ASIC2: variants seen among roughly 807,000 people sequenced by gnomAD.
ASIC2 encodes acid-sensing ion channel 2.
A neutral mutation model predicts 57.3 loss-of-function variants in ASIC2; 25 were observed. The ratio of observed to expected loss-of-function variants is 0.44; its 90% CI spans 0.32 to 0.61. The LOEUF is 0.61. Ranked by LOEUF, ASIC2 falls within the 20% of genes least tolerant of loss-of-function variation. ASIC2 has a pLI of 0.06. For missense variants in ASIC2, 641 were observed against 738.1 expected (o/e 0.87, Z 1.52); for synonymous variants, 319 against 307.5 (o/e 1.04, Z -0.39).
chr17:33,913,096 C>A (rs1411507334), intron 1 of ASIC2, among the ~76,000 whole-genome samples: 3 of 152,022 alleles, frequency 2.0e-5, no homozygotes, highest in East Asian at 1.9e-4. Flanking sequence ...CCCCCTCCCC[C>A]CCGCCAATTT....
At chr17:33,431,539 A>G (rs1473836409) in intron 1 of ASIC2, among the ~76,000 whole-genome samples, 1 of 152,060 alleles carries the variant, frequency 6.6e-6, no homozygotes, top group East Asian at 1.9e-4. Context: ...TGGGAGGCGG[A>G]GGTCGCCGTG....
At chr17:33,232,387 C>A (rs1908125370) in intron 1 of ASIC2, among the ~76,000 whole-genome samples, 1 of 150,030 alleles carries the variant, frequency 6.7e-6, no homozygotes, top group South Asian at 2.1e-4. Context: ...TATGGTATGG[C>A]AGCCTAGGTA....
chr17:33,174,192 C>T (rs973261284), intron 1 of ASIC2, among the ~76,000 whole-genome samples: 41 of 152,040 alleles, frequency 2.7e-4, no homozygotes, highest in African/African-American at 8.5e-4. Context: ...GAGGCCAAGG[C>T]GAGTGGATTA....
At chr17:33,635,772 T>C (rs939057180) in intron 1 of ASIC2, among the ~76,000 whole-genome samples, 1 of 152,340 alleles carries the variant, frequency 6.6e-6, no homozygotes, top group East Asian at 1.9e-4. Context: ...TGGAAGCTTA[T>C]GATTCTCCAG....
chr17:33,703,511 C>G (rs750110719), intron 1 of ASIC2, among the ~76,000 whole-genome samples: 14 of 151,982 alleles, frequency 9.2e-5, no homozygotes, highest in Non-Finnish European at 1.8e-4. Flanking sequence ...AGCCACCATG[C>G]CCGACTAATT....
chr17:33,833,529 T>C (rs1913181480), intron 1 of ASIC2, among the ~76,000 whole-genome samples: 1 of 152,004 alleles, frequency 6.6e-6, no homozygotes, highest in Non-Finnish European at 1.5e-5. Flanking sequence ...TGTGTGTGTG[T>C]ACCTATGTGT....
chr17:33,915,067 C>T (rs73274517), intron 1 of ASIC2, among the ~76,000 whole-genome samples: 9,159 of 152,228 alleles, frequency 0.06, 510 homozygotes, highest in East Asian at 0.27. Flanking sequence ...CAGTGCTCTG[C>T]CCTCACCTCG....
chr17:33,782,855 C>A (rs952117070), intron 1 of ASIC2, among the ~76,000 whole-genome samples: 2 of 152,206 alleles, frequency 1.3e-5, no homozygotes, highest in Non-Finnish European at 2.9e-5. Context: ...CAGGCTCCGG[C>A]CAGCCCCCCT....
At chr17:33,043,493 TC>T (rs1475403577) in intron 3 of ASIC2, among the ~76,000 whole-genome samples, 1 of 152,134 alleles carries the variant, frequency 6.6e-6, no homozygotes. Flanking sequence ...TGCTCCCCAT[TC>T]CCTCCAATCC....
chr17:33,882,948 T>C (rs1382010776), intron 1 of ASIC2, among the ~76,000 whole-genome samples: 9 of 152,216 alleles, frequency 5.9e-5, no homozygotes, highest in Non-Finnish European at 1.2e-4. Context: ...GATGAGTTCA[T>C]GTCCTTTGTA....
intron 1 of ASIC2, among the ~76,000 whole-genome samples, chr17:33,944,830 T>C (rs934343342): frequency 6.6e-6 from 1 of 151,950 alleles, no homozygotes. Flanking sequence ...TCCAGAAGAG[T>C]GTGATGGAGG....
At chr17:34,037,914 A>C (rs970225584) in intron 1 of ASIC2, 71 of 1,613,738 alleles carry the variant, frequency 4.4e-5, no homozygotes, top group Non-Finnish European at 5.8e-5. Flanking sequence ...TTCCTTCCAT[A>C]AAGACACTGA....
intron 1 of ASIC2, among the ~76,000 whole-genome samples, chr17:33,910,848 G>T (rs576446512): frequency 2.6e-5 from 4 of 152,234 alleles, no homozygotes; most frequent in Non-Finnish European, 4.4e-5. Context: ...CTGAGGAGGT[G>T]ATGTTTGAAG....
intron 1 of ASIC2, among the ~76,000 whole-genome samples, chr17:33,613,670 A>G (rs371963047): frequency 2.7e-4 from 41 of 152,218 alleles, no homozygotes; most frequent in African/African-American, 5.3e-4. Flanking sequence ...CCTGGCCCAC[A>G]TGTATTCTCT....
chr17:33,458,927 C>A (rs890631562), intron 1 of ASIC2, among the ~76,000 whole-genome samples: 1 of 151,908 alleles, frequency 6.6e-6, no homozygotes, highest in African/African-American at 2.4e-5. Flanking sequence ...GGTTTCTGTC[C>A]GACTGAACCT....
intron 1 of ASIC2, among the ~76,000 whole-genome samples, chr17:33,930,204 T>A (rs934070774): frequency 2.0e-5 from 3 of 152,254 alleles, no homozygotes; most frequent in African/African-American, 7.2e-5. Context: ...AACGGGACTC[T>A]ATCACTTACG....
At chr17:33,959,094 G>T (rs751322354) in intron 1 of ASIC2, among the ~76,000 whole-genome samples, 2 of 152,216 alleles carry the variant, frequency 1.3e-5, no homozygotes, top group East Asian at 1.9e-4. Flanking sequence ...TGTCCATAAC[G>T]CTATCAGTAT....
At chr17:33,533,341 AAGAAAG>A (rs968597436) in intron 1 of ASIC2, 1 of 144,498 alleles carries the variant, frequency 6.9e-6, no homozygotes, top group Non-Finnish European at 1.5e-5. Context: ...GAAAGAAAGA[AAGAAAG>A]AAAAAATAAG....
At chr17:33,040,816 C>T (rs1382156169) in intron 3 of ASIC2, among the ~76,000 whole-genome samples, 1 of 152,158 alleles carries the variant, frequency 6.6e-6, no homozygotes, top group Non-Finnish European at 1.5e-5. Flanking sequence ...AGATAGTGCT[C>T]AACCTGATGG....
Sources: gnomAD v4.1 joint callset for allele counts (sites outside exome capture counted in the v4.1 genomes callset) on GRCh38, gnomAD v4.1.1 for gene constraint, MANE v1.5 for transcripts, NCBI Gene and HGNC (gene_info 2026-07-23, HGNC 2026-07-21) for gene names.